Variants in KCNQ5 observed in about 807,000 individuals in gnomAD.
The protein encoded by KCNQ5 is potassium voltage-gated channel subfamily KQT member 5.
Under a neutral mutation model 98.2 loss-of-function variants are expected in KCNQ5, and 30 were observed. The observed-to-expected ratio is 0.31, with a 90% CI of 0.23 to 0.41. The LOEUF (loss-of-function observed/expected upper bound fraction) is 0.41, where lower values mean the gene tolerates loss of function less well. KCNQ5 is among the 10% of genes least tolerant of loss of function. The pLI is 1.00. For synonymous variants in KCNQ5, 458 were observed against 449.4 expected (o/e 1.02, Z -0.24); for missense variants, 835 against 1,182.5 (o/e 0.71, Z 4.31).
chr6:73,036,794 T>C (rs1337949669), intron 2 of KCNQ5, among the ~76,000 whole-genome samples: 1 of 152,186 alleles, frequency 6.6e-6, no homozygotes, highest in African/African-American at 2.4e-5. Flanking sequence ...TTATGAATAC[T>C]TCTTCTGTGA....
rs537888777 is a variant in KCNQ5, at chr6:72,849,359, C to A, written c.399-154549C>A. 1.9e-4 allele frequency among the ~76,000 whole-genome samples: 29 copies of A among 152,250 alleles called. 1 individual carries two copies. The highest frequency in any genetic ancestry group is 6.3e-4 in the African/African-American group (26 of 41,550). ...CTCTATTTTTAGTTCTTTGAGAAAT[C>A]TCCATAGTGTTTTCCATAGAGGTTG... is the stretch of plus-strand genomic sequence containing the variant. On this transcript the variant is annotated intron_variant, in intron 1 of 13. Transcript: ENST00000370398.
At chr6:73,047,576 A>G (rs1772028902) in intron 3 of KCNQ5, among the ~76,000 whole-genome samples, 1 of 152,260 alleles carries the variant, frequency 6.6e-6, no homozygotes, top group African/African-American at 2.4e-5. Flanking sequence ...GACCACATGA[A>G]GAAAATTTAT....
At chr6:72,658,559 G>GATATATATATATAT (rs1189137122) in intron 1 of KCNQ5, among the ~76,000 whole-genome samples, 27 of 88,420 alleles carry the variant, frequency 3.1e-4, no homozygotes, top group African/African-American at 1.7e-3. Context: ...GGGATTAAAG[G>GATATATATATATAT]ATATATATAT....
chr6:73,007,132 G>A lies in KCNQ5; in HGVS notation c.489+3134G>A, dbSNP rs540842797. 8.5e-5 allele frequency among the ~76,000 whole-genome samples: 13 copies of A among 152,220 alleles called. No homozygotes were observed. The South Asian group carries it at 1.2e-3, about 15-fold the overall frequency. On this transcript the variant is annotated intron_variant, in intron 2 of 13. Coordinates refer to ENST00000370398, the MANE Select transcript of KCNQ5 (RefSeq NM_019842.4). ...TTCCATCCAGAATGGCACTGCCAACGCTCTTGTAAACTTGTAACTTCACAA... is the reference window on the plus strand; with the variant it reads ...TTCCATCCAGAATGGCACTGCCAACACTCTTGTAAACTTGTAACTTCACAA...
chr6:73,102,870 T>A (rs1774846186), intron 5 of KCNQ5, among the ~76,000 whole-genome samples: 2 of 152,154 alleles, frequency 1.3e-5, no homozygotes, highest in South Asian at 4.1e-4. Flanking sequence ...TAGTATAATT[T>A]AGCCACTATG....
intron 1 of KCNQ5, among the ~76,000 whole-genome samples, chr6:72,783,197 T>C (rs1053014575): frequency 6.6e-6 from 1 of 152,056 alleles, no homozygotes; most frequent in Admixed American, 6.6e-5. Context: ...AGAGAGATGG[T>C]GGAGGGGGTT....
intron 1 of KCNQ5, among the ~76,000 whole-genome samples, chr6:72,819,904 A>G (rs1253319786): frequency 6.6e-6 from 1 of 152,062 alleles, no homozygotes; most frequent in Non-Finnish European, 1.5e-5. Context: ...AGAACCCTAC[A>G]TTTGGTTTCT....
intron 1 of KCNQ5, among the ~76,000 whole-genome samples, chr6:72,689,095 T>C (rs574315622): frequency 1.1e-4 from 17 of 152,354 alleles, no homozygotes; most frequent in African/African-American, 4.1e-4. Context: ...ACTGATGGCC[T>C]ATTTGCAGTT....
intron 1 of KCNQ5, among the ~76,000 whole-genome samples, chr6:72,924,272 G>T (rs1780529120): frequency 1.3e-5 from 2 of 152,000 alleles, no homozygotes; most frequent in African/African-American, 4.8e-5. Flanking sequence ...TGAGATTGAA[G>T]AACAGATTTC....
chr6:72,947,934 G>T (rs1766622926), intron 1 of KCNQ5, among the ~76,000 whole-genome samples: 1 of 152,016 alleles, frequency 6.6e-6, no homozygotes. Flanking sequence ...TTTAGATACA[G>T]TAAAAATATT....
rs372012598 is a variant in KCNQ5, at chr6:73,127,926, G to C, written c.1247+3414G>C. On this transcript the variant is annotated intron_variant, in intron 9 of 13. Transcript: ENST00000370398. ...TTAAAAATACAAAAATTAGTTGGGC[G>C]TGGTGCTGCATGCCTGTAGTCCCAG... is the stretch of plus-strand genomic sequence containing the variant. Among the ~76,000 whole-genome samples the C allele has an allele frequency of 3.3e-5, 5 of 152,100 alleles. No homozygotes were observed. The East Asian group carries it at 5.8e-4, about 18-fold the overall frequency.
intron 2 of KCNQ5, among the ~76,000 whole-genome samples, chr6:73,009,030 C>T (rs1769940557): frequency 1.3e-5 from 2 of 152,084 alleles, no homozygotes; most frequent in Admixed American, 6.5e-5. Context: ...CACTTTGTCA[C>T]CCAGGCTGGA....
chr6:72,942,690 C>T (rs954332394), intron 1 of KCNQ5, among the ~76,000 whole-genome samples: 5 of 152,108 alleles, frequency 3.3e-5, no homozygotes, highest in African/African-American at 4.8e-5. Flanking sequence ...TTTTTCCTCC[C>T]GTGTTCACTG....
intron 11 of KCNQ5, among the ~76,000 whole-genome samples, chr6:73,174,993 A>C (rs1289090830): frequency 2.0e-5 from 3 of 152,068 alleles, no homozygotes; most frequent in Admixed American, 6.6e-5. Flanking sequence ...GTCACATGAG[A>C]AGAGCACTTT....
At chr6:73,042,307 T>C (rs1771748915) in intron 3 of KCNQ5, 1 of 503,568 alleles carries the variant, frequency 2.0e-6, no homozygotes, top group East Asian at 3.8e-5. Flanking sequence ...ACGGAGTTAG[T>C]TGCTGAATGT....
chr6:73,089,651 A>C (rs1249792803), intron 5 of KCNQ5, among the ~76,000 whole-genome samples: 1 of 152,154 alleles, frequency 6.6e-6, no homozygotes, highest in Non-Finnish European at 1.5e-5. Flanking sequence ...ATGAGTGAGA[A>C]CATAGGATGT....
chr6:72,642,749 C>A (rs929391633), intron 1 of KCNQ5, among the ~76,000 whole-genome samples: 1 of 152,098 alleles, frequency 6.6e-6, no homozygotes, highest in Non-Finnish European at 1.5e-5. Flanking sequence ...CCAGAAATCC[C>A]ATTACTGGAT....
At chr6:72,903,186 T>C (rs925128498) in intron 1 of KCNQ5, among the ~76,000 whole-genome samples, 81 of 152,190 alleles carry the variant, frequency 5.3e-4, no homozygotes, top group African/African-American at 1.9e-3. Flanking sequence ...ATATCTCCCA[T>C]TTCATTTCTT....
chr6:73,164,999 G>A (rs1777739474), intron 10 of KCNQ5, among the ~76,000 whole-genome samples: 1 of 151,302 alleles, frequency 6.6e-6, no homozygotes. Context: ...TTTTTTAAGA[G>A]AGTGGGTCTC....
Sources: allele counts gnomAD v4.1 joint callset (sites outside exome capture counted in the v4.1 genomes callset), GRCh38; gene constraint gnomAD v4.1.1; transcripts MANE v1.5; gene names NCBI Gene and HGNC (gene_info 2026-07-23, HGNC 2026-07-21).